Variants in IL1RAPL1 observed in about 807,000 individuals in gnomAD.
The protein encoded by IL1RAPL1 is interleukin-1 receptor accessory protein-like 1.
Under a neutral mutation model 48.4 loss-of-function variants are expected in IL1RAPL1, and 3 were observed. That is an observed-to-expected ratio of 0.06 (90% CI 0.03 to 0.16). The LOEUF (loss-of-function observed/expected upper bound fraction) is 0.16. Ranked by LOEUF, IL1RAPL1 falls within the 10% of genes least tolerant of loss-of-function variation. IL1RAPL1 has a pLI of 1.00. For missense variants in IL1RAPL1, 349 were observed against 530.6 expected (o/e 0.66, Z 3.36); for synonymous variants, 185 against 187.7 (o/e 0.99, Z 0.12).
chrX:29,010,160 G>A (rs1022224568), intron 2 of IL1RAPL1, among the ~76,000 whole-genome samples: 36 of 111,887 alleles, frequency 3.2e-4, no homozygotes, highest in Middle Eastern at 4.2e-3. Flanking sequence ...TTTTGGCAGA[G>A]TCTTCTAGGT....
chrX:29,839,775 A>G (rs757032386), intron 6 of IL1RAPL1, among the ~76,000 whole-genome samples: 1 of 111,053 alleles, frequency 9.0e-6, no homozygotes, highest in Non-Finnish European at 1.9e-5. Context: ...TTTAAAAATT[A>G]GCCAAACATG....
At chrX:29,577,536 C>A (rs546048481) in intron 5 of IL1RAPL1, among the ~76,000 whole-genome samples, 26 of 111,744 alleles carry the variant, frequency 2.3e-4, no homozygotes, top group Non-Finnish European at 3.8e-4. Flanking sequence ...TCTGAGCTTG[C>A]TATCCTGCGG....
chrX:29,873,016 A>G (rs1931829508), intron 6 of IL1RAPL1, among the ~76,000 whole-genome samples: 1 of 111,908 alleles, frequency 8.9e-6, no homozygotes, highest in Non-Finnish European at 1.9e-5. Context: ...CACAGCCCAC[A>G]CAATCACAAG....
chrX:29,955,571 G>T lies in IL1RAPL1; in HGVS notation c.1842G>T (p.Thr614=), dbSNP rs1427946626. ...HPDLRSTFHN[T]YHSQMRQKHY... Reference sequence around the variant, plus strand: ...ATCTCCGTTCTACCTTTCACAACACGTACCATTCACAAATGCGTCAGAAAC... The same window carrying T: ...ATCTCCGTTCTACCTTTCACAACACTTACCATTCACAAATGCGTCAGAAAC... Residue 614 remains threonine (T), a synonymous_variant, in exon 11 of 11, where the codon ACG becomes ACT. Transcript: ENST00000378993. 10 of 1,203,758 alleles carry T rather than the reference G, an allele frequency of 8.3e-6. No individual in the cohort carries two copies. In the South Asian group the frequency reaches 1.6e-4, roughly 19 times the overall value.
At chrX:29,750,811 C>G (rs1040912220) in intron 6 of IL1RAPL1, among the ~76,000 whole-genome samples, 2 of 111,331 alleles carry the variant, frequency 1.8e-5, no homozygotes, top group African/African-American at 6.5e-5. Flanking sequence ...GAGCCACAGT[C>G]TAGCTGATGT....
chrX:28,710,006 A>G (rs1372299211), intron 1 of IL1RAPL1, among the ~76,000 whole-genome samples: 1 of 111,862 alleles, frequency 8.9e-6, no homozygotes. Context: ...AGGCTCATCT[A>G]TTTTTATAGA....
intron 3 of IL1RAPL1, among the ~76,000 whole-genome samples, chrX:29,349,053 G>A (rs1247313872): frequency 8.9e-6 from 1 of 112,219 alleles, no homozygotes; most frequent in Admixed American, 9.4e-5. Flanking sequence ...TTGTATATAC[G>A]GGAGCCTTCA....
chrX:28,992,322 T>G (rs1241156119), intron 2 of IL1RAPL1, among the ~76,000 whole-genome samples: 1 of 109,296 alleles, frequency 9.1e-6, no homozygotes, highest in Non-Finnish European at 1.9e-5. Context: ...AAACCCCATC[T>G]CTACTAAAAC....
At chrX:28,947,764 T>TA (rs981845423) in intron 2 of IL1RAPL1, among the ~76,000 whole-genome samples, 2 of 111,932 alleles carry the variant, frequency 1.8e-5, no homozygotes, top group Admixed American at 9.5e-5. Context: ...CAAGTAGTTA[T>TA]ATGTACTACT....
chrX:29,642,271 G>T (rs1044723653), intron 5 of IL1RAPL1, among the ~76,000 whole-genome samples: 1 of 111,885 alleles, frequency 8.9e-6, no homozygotes, highest in East Asian at 2.8e-4. Flanking sequence ...AAAGCCCTGC[G>T]CTAATATTTC....
chrX:29,626,387 T>C (rs1425816122), intron 5 of IL1RAPL1, among the ~76,000 whole-genome samples: 1 of 112,061 alleles, frequency 8.9e-6, no homozygotes, highest in South Asian at 3.7e-4. Flanking sequence ...GCTCCTCTTT[T>C]TGAGTGGTTA....
At chrX:29,363,016 G>A (rs920620747) in intron 3 of IL1RAPL1, among the ~76,000 whole-genome samples, 2 of 111,523 alleles carry the variant, frequency 1.8e-5, no homozygotes, top group African/African-American at 6.5e-5. Context: ...GCACGGGAAG[G>A]TTAAGTGGCA....
chrX:28,932,704 C>CT (rs368350138), intron 2 of IL1RAPL1, among the ~76,000 whole-genome samples: 4,253 of 100,189 alleles, frequency 0.042, 227 homozygotes, highest in African/African-American at 0.14. Flanking sequence ...TGTCTTTACA[C>CT]TTTTTTTTTT....
intron 2 of IL1RAPL1, among the ~76,000 whole-genome samples, chrX:29,245,281 G>A (rs1417498658): frequency 6.3e-5 from 7 of 111,232 alleles, no homozygotes; most frequent in East Asian, 2.8e-4. Flanking sequence ...AATCCTCTGG[G>A]TATATACCCA....
At chrX:28,851,350 C>T (rs1385872938) in intron 2 of IL1RAPL1, among the ~76,000 whole-genome samples, 1 of 110,585 alleles carries the variant, frequency 9.0e-6, no homozygotes, top group African/African-American at 3.3e-5. Context: ...GGATAGCCTC[C>T]CAGAGTTGTT....
chrX:28,921,867 A>C (rs183140948), intron 2 of IL1RAPL1, among the ~76,000 whole-genome samples: 3 of 112,259 alleles, frequency 2.7e-5, no homozygotes, highest in African/African-American at 9.7e-5. Context: ...CAACGTATCA[A>C]AGTGGGCACA....
rs193276371 is a variant in IL1RAPL1, at chrX:29,035,272, A to G, written c.82+245847A>G. ...TTGCCTTTCCAATGTTAAATCTCCA[A>G]TAATTTTTAAAGGAAGTATTGTTAT... On this transcript the variant is annotated intron_variant, in intron 2 of 10. Transcript: ENST00000378993. Among the ~76,000 whole-genome samples the G allele has an allele frequency of 2.7e-3, 306 of 111,431 alleles. 1 individual carries two copies. Among genetic ancestry groups the G allele is most frequent in the Middle Eastern group, 9.3e-3 (2 of 216 alleles).
At chrX:29,183,367 C>T (rs1174943425) in intron 2 of IL1RAPL1, among the ~76,000 whole-genome samples, 3 of 111,595 alleles carry the variant, frequency 2.7e-5, no homozygotes, top group African/African-American at 9.8e-5. Flanking sequence ...TCCAATCCAG[C>T]CCCCCACCAT....
At chrX:29,158,773 A>G (rs760837269) in intron 2 of IL1RAPL1, among the ~76,000 whole-genome samples, 1 of 111,542 alleles carries the variant, frequency 9.0e-6, no homozygotes, top group South Asian at 3.8e-4. Flanking sequence ...ATCACACTTG[A>G]CACACATCTT....
Sources: allele counts gnomAD v4.1 joint callset (sites outside exome capture counted in the v4.1 genomes callset), GRCh38; gene constraint gnomAD v4.1.1; transcripts MANE v1.5; gene names NCBI Gene and HGNC (gene_info 2026-07-23, HGNC 2026-07-21).